SIPA1L2: variants seen among roughly 807,000 people sequenced by gnomAD.
The protein encoded by SIPA1L2 is signal-induced proliferation-associated 1-like protein 2.
Under a neutral mutation model 163.9 loss-of-function variants are expected in SIPA1L2, and 56 were observed. That is an observed-to-expected ratio of 0.34 (90% confidence interval 0.28 to 0.43). SIPA1L2 has a LOEUF of 0.43. SIPA1L2 is among the 20% of genes least tolerant of loss of function. The probability of loss-of-function intolerance (pLI) is 1.00; values close to 1 mark genes in which losing one functional copy is unlikely to be tolerated. For synonymous variants in SIPA1L2, 877 were observed against 865.7 expected (o/e 1.01, Z -0.23); for missense variants, 1,974 against 2,193.5 (o/e 0.90, Z 2.00).
intron 8 of SIPA1L2, among the ~76,000 whole-genome samples, chr1:232,467,207 T>C (rs1170028156): frequency 6.6e-6 from 1 of 152,128 alleles, no homozygotes; most frequent in African/African-American, 2.4e-5. Context: ...CCTTCACTGA[T>C]ATGAAAGGGA....
At chr1:232,629,489 G>A (rs1040057149) in intron 1 of SIPA1L2, among the ~76,000 whole-genome samples, 3 of 152,246 alleles carry the variant, frequency 2.0e-5, no homozygotes, top group Admixed American at 1.3e-4. Context: ...CAGGCGCGCC[G>A]GGGAAGCTGC....
intron 8 of SIPA1L2, among the ~76,000 whole-genome samples, chr1:232,466,618 G>A (rs899708142): frequency 6.6e-5 from 10 of 152,102 alleles, no homozygotes; most frequent in African/African-American, 1.7e-4. Context: ...GTGAAACCCC[G>A]TCTCTATTAA....
At chr1:232,456,417 T>C (rs1276270122) in intron 10 of SIPA1L2, among the ~76,000 whole-genome samples, 2 of 152,206 alleles carry the variant, frequency 1.3e-5, no homozygotes, top group Non-Finnish European at 2.9e-5. Context: ...TTTAGACTCA[T>C]GATAACATGA....
At chr1:232,451,281 A>G (rs1663557767) in intron 10 of SIPA1L2, among the ~76,000 whole-genome samples, 1 of 152,196 alleles carries the variant, frequency 6.6e-6, no homozygotes, top group Admixed American at 6.5e-5. Flanking sequence ...ATGACAAATG[A>G]GCCTGGAGAA....
intron 2 of SIPA1L2, among the ~76,000 whole-genome samples, chr1:232,557,630 G>A (rs1658789843): frequency 6.6e-6 from 1 of 152,128 alleles, no homozygotes; most frequent in African/African-American, 2.4e-5. Flanking sequence ...TGTTCTCACT[G>A]TCTCTGGCAA....
At chr1:232,427,760 G>C (rs1661985779) in intron 17 of SIPA1L2, among the ~76,000 whole-genome samples, 1 of 152,194 alleles carries the variant, frequency 6.6e-6, no homozygotes, top group South Asian at 2.1e-4. Context: ...CACTGAACTT[G>C]GGGTTGGTTT....
At chr1:232,423,676 T>C (rs1661709292) in intron 18 of SIPA1L2, among the ~76,000 whole-genome samples, 1 of 152,334 alleles carries the variant, frequency 6.6e-6, no homozygotes, top group South Asian at 2.1e-4. Flanking sequence ...GCTAGGACAG[T>C]GAATGAACAG....
intron 19 of SIPA1L2, among the ~76,000 whole-genome samples, chr1:232,405,042 C>A (rs1285937577): frequency 6.6e-6 from 1 of 152,222 alleles, no homozygotes; most frequent in Non-Finnish European, 1.5e-5. Context: ...GGCTGCTGGA[C>A]AAGCCTCCTA....
At chr1:232,562,797 C>T (rs572707570) in intron 2 of SIPA1L2, among the ~76,000 whole-genome samples, 1 of 152,266 alleles carries the variant, frequency 6.6e-6, no homozygotes, top group East Asian at 1.9e-4. Flanking sequence ...CAGAGACCTA[C>T]AAACAAAAAA....
chr1:232,437,546 ATCCAC>A (rs1275418799), intron 15 of SIPA1L2, among the ~76,000 whole-genome samples: 1 of 152,156 alleles, frequency 6.6e-6, no homozygotes, highest in Non-Finnish European at 1.5e-5. Flanking sequence ...ACTCTCTGGC[ATCCAC>A]TCCCCCTTCT....
At chr1:232,424,919 TA>T (rs551039621) in intron 18 of SIPA1L2, among the ~76,000 whole-genome samples, 11 of 151,940 alleles carry the variant, frequency 7.2e-5, no homozygotes, top group East Asian at 1.9e-4. Flanking sequence ...AAGGCTAACA[TA>T]AAAAAAAGTG....
chr1:232,617,413 T>C (rs1367875014), intron 1 of SIPA1L2, among the ~76,000 whole-genome samples: 1 of 152,192 alleles, frequency 6.6e-6, no homozygotes, highest in Non-Finnish European at 1.5e-5. Flanking sequence ...CATAAATATC[T>C]GACAGAAATT....
At chr1:232,565,565 T>G in intron 2 of SIPA1L2, among the ~76,000 whole-genome samples, 1 of 152,238 alleles carries the variant, frequency 6.6e-6, no homozygotes, top group Non-Finnish European at 1.5e-5. Context: ...TGCAAAATGC[T>G]GACAGCAAGA....
intron 5 of SIPA1L2, among the ~76,000 whole-genome samples, chr1:232,487,673 T>C (rs1006955113): frequency 5.3e-5 from 8 of 152,148 alleles, no homozygotes; most frequent in Admixed American, 4.6e-4. Flanking sequence ...TGAAATTATG[T>C]AGATAAAGTA....
chr1:232,480,113 C>G (rs1427046888), intron 6 of SIPA1L2, among the ~76,000 whole-genome samples: 2 of 151,454 alleles, frequency 1.3e-5, no homozygotes, highest in African/African-American at 2.4e-5. Context: ...AAGGGCGTGA[C>G]AAACTGGCAG....
rs375774552 is a variant in SIPA1L2, at chr1:232,439,310, T to C, written c.3829A>G (p.Ile1277Val). ...IDTAPCMPAT[I>V]LGPVHLAGSR... is the part of the protein sequence containing the mutation. ...CCTGCCAGGTGCACAGGGCCGAGGA[T>C]GGTGGCAGGCATGCAGGGGGCCGTG... The change falls in exon 15 of 23, where the codon ATC becomes GTC. Residue 1277 changes from isoleucine (I) to valine (V), a missense_variant. Physicochemically the swap from Ile to Val is conservative, Grantham distance 29 (BLOSUM62 3). Around this residue, in one of 3 missense-constraint regions of SIPA1L2, gnomAD observed 1,079 missense variants for 1,150.7 expected, o/e 0.94. Coordinates refer to ENST00000674635, the MANE Select transcript of SIPA1L2 (RefSeq NM_020808.5). 1.9e-6 allele frequency: 3 copies of C among 1,614,112 alleles called. No individual in the cohort carries two copies. Among genetic ancestry groups the C allele is most frequent in the Non-Finnish European group, 2.5e-6 (3 of 1,180,014 alleles).
intron 15 of SIPA1L2, among the ~76,000 whole-genome samples, chr1:232,436,579 G>C (rs551224960): frequency 6.6e-6 from 1 of 152,292 alleles, no homozygotes; most frequent in South Asian, 2.1e-4. Flanking sequence ...GCCTGAACTG[G>C]GACAGGAGAG....
intron 5 of SIPA1L2, among the ~76,000 whole-genome samples, 199 bp from the exon 6 acceptor site, chr1:232,484,165 C>A (rs1665527306): frequency 6.6e-6 from 1 of 152,156 alleles, no homozygotes; most frequent in South Asian, 2.1e-4. Context: ...CAGAATACAG[C>A]TGGAGACATG....
At chr1:232,613,776 A>G (rs1662370220) in intron 1 of SIPA1L2, among the ~76,000 whole-genome samples, 1 of 152,214 alleles carries the variant, frequency 6.6e-6, no homozygotes, top group African/African-American at 2.4e-5. Context: ...TTTAGGGAGC[A>G]CAGAATATGA....
Sources: gnomAD v4.1 joint callset for allele counts (sites outside exome capture counted in the v4.1 genomes callset) on GRCh38, gnomAD v4.1.1 for gene constraint, gnomAD v4.1.1 regional missense constraint, MANE v1.5 for transcripts, NCBI Gene and HGNC (gene_info 2026-07-23, HGNC 2026-07-21) for gene names.